Variants in MTHFS observed in about 807,000 individuals in gnomAD.
MTHFS encodes 5-formyltetrahydrofolate cyclo-ligase.
A neutral mutation model predicts 12.7 loss-of-function variants in MTHFS; 7 were observed. That is an observed-to-expected ratio of 0.55 (90% CI 0.31 to 1.03). The LOEUF is 1.03. Among genes scored for constraint, MTHFS ranks in the 50% least tolerant of loss-of-function variants. The pLI is 0.05. For missense variants in MTHFS, 252 were observed against 258.1 expected (o/e 0.98, Z 0.16); for synonymous variants, 100 against 97.1 (o/e 1.03, Z -0.18).
intron 2 of MTHFS, among the ~76,000 whole-genome samples, chr15:79,866,870 C>T (rs1419577231): frequency 6.6e-6 from 1 of 152,064 alleles, no homozygotes; most frequent in Non-Finnish European, 1.5e-5. Context: ...ACAGGAGAAT[C>T]GCTTGAATCC....
chr15:79,846,120 G>T (rs931087122), intron 2 of MTHFS, among the ~76,000 whole-genome samples: 5 of 152,194 alleles, frequency 3.3e-5, no homozygotes, highest in African/African-American at 1.2e-4. Context: ...CAGAATGCTG[G>T]AGCTCAGGGT....
intron 2 of MTHFS, among the ~76,000 whole-genome samples, chr15:79,855,965 C>T (rs532398755): frequency 6.0e-4 from 91 of 152,184 alleles, no homozygotes; most frequent in African/African-American, 2.1e-3. Context: ...ATGAATAGTC[C>T]TGCAATGAAC....
At chr15:79,845,472 AT>A (rs775924806) in intron 2 of MTHFS, 30 bp from the exon 3 acceptor site, 3 of 1,598,224 alleles carry the variant, frequency 1.9e-6, no homozygotes, top group South Asian at 1.1e-5. Flanking sequence ...ATTTAAGAGG[AT>A]TAATTGTTTC....
chr15:79,880,455 T>C (rs2034277757), intron 2 of MTHFS, among the ~76,000 whole-genome samples: 1 of 152,014 alleles, frequency 6.6e-6, no homozygotes, highest in Non-Finnish European at 1.5e-5. Flanking sequence ...AGATAAACAT[T>C]GATGGATCAT....
chr15:79,845,301 G>A lies in MTHFS; in HGVS notation c.521C>T (p.Ala174Val), dbSNP rs779648423. 9 of 1,613,986 alleles carry A rather than the reference G, an allele frequency of 5.6e-6. No individual in the cohort carries two copies. The highest frequency in any genetic ancestry group is 6.8e-6 in the Non-Finnish European group (8 of 1,180,022). The change falls in exon 3 of 3, where the codon GCT becomes GTT. Residue 174 changes from alanine (A) to valine (V), a missense_variant. Transcript: ENST00000258874. ...CTGGAGGCAAATCTGTTCTTTGAAA[G>A]CCAACGCCAGGGTGTAGGGCTTCAC... ...QEVKPYTLAL[A>V]FKEQICLQVP...
intron 2 of MTHFS, chr15:79,877,878 A>G (rs1300032459): frequency 6.6e-6 from 1 of 151,732 alleles, no homozygotes; most frequent in Non-Finnish European, 1.5e-5. Context: ...GAAAAAAAAT[A>G]CATATGTCAA....
At chr15:79,863,869 T>C (rs1369246752) in intron 2 of MTHFS, among the ~76,000 whole-genome samples, 3 of 152,308 alleles carry the variant, frequency 2.0e-5, no homozygotes, top group Middle Eastern at 3.4e-3. Context: ...ATCTCACTGA[T>C]ATTTTGAAGT....
intron 2 of MTHFS, among the ~76,000 whole-genome samples, chr15:79,851,264 C>T (rs928200565): frequency 1.9e-4 from 29 of 152,118 alleles, no homozygotes; most frequent in African/African-American, 7.0e-4. Context: ...GTAAGAATGC[C>T]TGTGGTCCAT....
At chr15:79,860,718 T>C (rs909629784) in intron 2 of MTHFS, among the ~76,000 whole-genome samples, 1 of 152,152 alleles carries the variant, frequency 6.6e-6, no homozygotes, top group African/African-American at 2.4e-5. Context: ...CCAGAAATAC[T>C]GATAAGACAA....
At chr15:79,893,239 CA>C (rs1029893124) in intron 1 of MTHFS, among the ~76,000 whole-genome samples, 1 of 151,454 alleles carries the variant, frequency 6.6e-6, no homozygotes, top group African/African-American at 2.4e-5. Context: ...CCTGTCTCTA[CA>C]AAAAATACAA....
At chr15:79,887,946 G>A (rs2034408573) in intron 2 of MTHFS, among the ~76,000 whole-genome samples, 1 of 152,066 alleles carries the variant, frequency 6.6e-6, no homozygotes. Context: ...TCTCCCCTCT[G>A]ACTCCATCAT....
rs573579122 is a variant in MTHFS, at chr15:79,895,053, CTTCT to C, written c.117+1815_117+1818del. ...AGCTCTGAATACATCCCTTTACACA[CTTCT>C]TTAACTCTCACAATCGACCTACAAG... On this transcript the variant is annotated intron_variant, in intron 1 of 2. Transcript: ENST00000258874. Among the ~76,000 whole-genome samples the C allele has an allele frequency of 3.9e-5, 6 of 152,306 alleles. No homozygotes were observed. In the South Asian group the frequency reaches 8.3e-4, roughly 21 times the overall value.
rs148232232 is a variant in MTHFS at position 79,889,072 on chromosome 15, T to C, written c.379+21A>G. 9,981 of 1,612,788 alleles carry C rather than the reference T, an allele frequency of 6.2e-3. 49 individuals are homozygous for C. Among genetic ancestry groups the C allele is most frequent in the Non-Finnish European group, 7.6e-3 (8,907 of 1,179,098 alleles). Reference sequence around the variant, plus strand: ...AACAACTGGTCATAATCTAACAACATCCTAACACCATAATACTCACCTGTG... The same window carrying C: ...AACAACTGGTCATAATCTAACAACACCCTAACACCATAATACTCACCTGTG... On this transcript the variant is annotated intron_variant, in intron 2 of 2. Transcript: ENST00000258874.
At chr15:79,869,491 G>C (rs1302250073) in intron 2 of MTHFS, among the ~76,000 whole-genome samples, 1 of 152,098 alleles carries the variant, frequency 6.6e-6, no homozygotes, top group Non-Finnish European at 1.5e-5. Context: ...TGCCCAGGTG[G>C]GAGTGCAAGC....
intron 2 of MTHFS, among the ~76,000 whole-genome samples, chr15:79,868,777 T>A (rs2034054703): frequency 6.6e-6 from 1 of 152,212 alleles, no homozygotes; most frequent in South Asian, 2.1e-4. Context: ...CCACTACCTT[T>A]CCTGGGTCTC....
At chr15:79,864,811 G>A (rs1049823538) in intron 2 of MTHFS, among the ~76,000 whole-genome samples, 4 of 152,146 alleles carry the variant, frequency 2.6e-5, no homozygotes, top group Non-Finnish European at 5.9e-5. Context: ...AAAAGGCAGA[G>A]TGGACATAAT....
At chr15:79,889,957 T>C (rs1327172859) in intron 1 of MTHFS, among the ~76,000 whole-genome samples, 2 of 152,164 alleles carry the variant, frequency 1.3e-5, no homozygotes, top group African/African-American at 4.8e-5. Flanking sequence ...AACCGGTCCA[T>C]GAACTGAGTT....
intron 2 of MTHFS, among the ~76,000 whole-genome samples, chr15:79,845,742 C>CTTT (rs1444724079): frequency 6.6e-6 from 1 of 152,096 alleles, no homozygotes; most frequent in Non-Finnish European, 1.5e-5. Flanking sequence ...ATAGGGCCCT[C>CTTT]TTTTTTCTAG....
At chr15:79,880,699 G>A (rs769766144) in intron 2 of MTHFS, among the ~76,000 whole-genome samples, 2 of 151,776 alleles carry the variant, frequency 1.3e-5, no homozygotes, top group Non-Finnish European at 2.9e-5. Context: ...AACTTAATAT[G>A]GAGAGTACTT....
Sources: gnomAD v4.1 joint callset for allele counts (sites outside exome capture counted in the v4.1 genomes callset) on GRCh38, gnomAD v4.1.1 for gene constraint, MANE v1.5 for transcripts, NCBI Gene and HGNC (gene_info 2026-07-23, HGNC 2026-07-21) for gene names.